The following FILIP1L variants were observed in gnomAD, a reference collection of about 807,000 sequenced individuals.
FILIP1L encodes the protein filamin A-interacting protein 1-like.
FILIP1L carries 55 observed loss-of-function variants against 96.6 expected under a neutral mutation model. That is an observed-to-expected ratio of 0.57 (90% CI 0.46 to 0.71). FILIP1L has a LOEUF of 0.71. Ranked by LOEUF, FILIP1L falls within the 30% of genes least tolerant of loss-of-function variation. FILIP1L has a pLI of 0.00. For synonymous variants in FILIP1L, 467 were observed against 473.9 expected, an observed-to-expected ratio of 0.99 and a Z score of 0.19; for missense variants, 1,304 against 1,321.2, an observed-to-expected ratio of 0.99 and a Z score of 0.20.
At chr3:99,940,088 A>G (rs1187818312) in intron 1 of FILIP1L, among the ~76,000 whole-genome samples, 1 of 152,220 alleles carries the variant, frequency 6.6e-6, no homozygotes, top group Non-Finnish European at 1.5e-5. Context: ...AAAGGACAAA[A>G]AGAAATATAA....
At chr3:99,830,675 C>A in intron 5 of FILIP1L, 70 bp from the exon 6 acceptor site, 1 of 436,664 alleles carries the variant, frequency 2.3e-6, no homozygotes, top group South Asian at 1.6e-5. Context: ...TTGTTTAGGA[C>A]ATGGAGTCAG....
intron 1 of FILIP1L, among the ~76,000 whole-genome samples, chr3:100,108,540 T>G (rs569380414): frequency 8.5e-5 from 13 of 152,274 alleles, no homozygotes; most frequent in African/African-American, 2.6e-4. Flanking sequence ...ATTAAATGCA[T>G]TGTGGTACAT....
chr3:100,050,103 T>C (rs1050110172), intron 1 of FILIP1L, among the ~76,000 whole-genome samples: 1 of 152,244 alleles, frequency 6.6e-6, no homozygotes, highest in Non-Finnish European at 1.5e-5. Context: ...ACCTGTGGAA[T>C]GAATCTATTA....
intron 1 of FILIP1L, among the ~76,000 whole-genome samples, chr3:100,056,680 CAGGT>C (rs1429085401): frequency 2.0e-5 from 3 of 151,460 alleles, no homozygotes; most frequent in Non-Finnish European, 4.4e-5. Flanking sequence ...GCCACACAAC[CAGGT>C]AGCAGCTCTA....
In FILIP1L at chr3:99,850,018, A is replaced by C. The variant is rs780992749; in HGVS notation, c.1658T>G (p.Val553Gly). 1.9e-6 allele frequency: 3 copies of C among 1,607,394 alleles called. No homozygotes were observed. In the South Asian group the frequency reaches 3.4e-5, roughly 18 times the overall value. Residue 553 changes from valine (V) to glycine (G), a missense_variant, in exon 5 of 6, where the codon GTA (valine) becomes GGA (glycine). Val to Gly is a moderately radical substitution (Grantham distance 109). Transcript: ENST00000477258. ...GGTTACGCTGTACATCTTTTCTTCT[A>C]CATCGGTTTTGGACTTGAGCGCCCT... ...TKRALKSKTDVEEKMYSVTKE... is the reference protein window; with the variant it reads ...TKRALKSKTDGEEKMYSVTKE...
intron 1 of FILIP1L, among the ~76,000 whole-genome samples, chr3:100,019,770 A>C (rs1303767698): frequency 6.6e-6 from 1 of 152,214 alleles, no homozygotes; most frequent in Non-Finnish European, 1.5e-5. Flanking sequence ...TCAAACTATT[A>C]CAGCAAAATT....
intron 1 of FILIP1L, among the ~76,000 whole-genome samples, chr3:99,979,498 C>T (rs144772408): frequency 0.013 from 1,902 of 152,158 alleles, 30 homozygotes; most frequent in African/African-American, 0.043. Flanking sequence ...TCAGGTTGTT[C>T]ATAGGTAGAA....
intron 1 of FILIP1L, among the ~76,000 whole-genome samples, chr3:100,000,592 G>A (rs1459935774): frequency 6.6e-6 from 1 of 152,208 alleles, no homozygotes; most frequent in Non-Finnish European, 1.5e-5. Flanking sequence ...GCTTATGGCT[G>A]TAATTCCAGC....
At chr3:99,960,909 CAA>C (rs968442142) in intron 1 of FILIP1L, among the ~76,000 whole-genome samples, 9 of 152,102 alleles carry the variant, frequency 5.9e-5, no homozygotes, top group African/African-American at 2.2e-4. Flanking sequence ...GGCAGACCAA[CAA>C]AGTGAAATGT....
chr3:99,859,247 A>AAT (rs1944120731), intron 4 of FILIP1L, among the ~76,000 whole-genome samples: 1 of 152,228 alleles, frequency 6.6e-6, no homozygotes, highest in African/African-American at 2.4e-5. Flanking sequence ...ACTATGTGCA[A>AAT]GGCACTGTAC....
In FILIP1L at chr3:99,884,628, G is replaced by A. The variant is rs185079150; in HGVS notation, c.606-33558C>T. Reference sequence around the variant, plus strand: ...ACCAGCACAATACCCTGCACAAAGTGAGCATTCTGCAAACCTAAAGAACGA... The same window carrying A: ...ACCAGCACAATACCCTGCACAAAGTAAGCATTCTGCAAACCTAAAGAACGA... On this transcript the variant is annotated intron_variant, in intron 4 of 5. Transcript: ENST00000477258. Among the ~76,000 whole-genome samples the A allele has an allele frequency of 2.1e-3, 315 of 152,306 alleles. 1 individual carries two copies. The highest frequency in any genetic ancestry group is 7.1e-3 in the African/African-American group (295 of 41,574).
intron 1 of FILIP1L, among the ~76,000 whole-genome samples, chr3:100,024,676 G>A (rs1002052555): frequency 6.6e-6 from 1 of 152,194 alleles, no homozygotes; most frequent in Non-Finnish European, 1.5e-5. Context: ...ATATACTAGT[G>A]AGTGACCTTC....
At chr3:100,091,604 T>C (rs2066111323) in intron 1 of FILIP1L, among the ~76,000 whole-genome samples, 1 of 152,252 alleles carries the variant, frequency 6.6e-6, no homozygotes, top group Non-Finnish European at 1.5e-5. Flanking sequence ...CTGACTTACA[T>C]TACAAAAGTA....
chr3:99,834,526 C>G (rs1942816765), intron 5 of FILIP1L, among the ~76,000 whole-genome samples: 1 of 152,184 alleles, frequency 6.6e-6, no homozygotes, highest in Non-Finnish European at 1.5e-5. Context: ...CACTTTGTGT[C>G]AGACCAAGCA....
chr3:99,850,874 T>A lies in FILIP1L; in HGVS notation c.802A>T (p.Lys268Ter). The A allele has an allele frequency of 6.2e-7, 1 of 1,614,214 alleles. No homozygotes were observed. The highest frequency in any genetic ancestry group is 8.5e-7 in the Non-Finnish European group (1 of 1,180,030). The change falls in exon 5 of 6, where the codon AAG becomes TAG. Residue 268 changes from lysine to a stop codon, truncating the protein, a stop_gained. Coordinates refer to ENST00000477258, the MANE Select transcript of FILIP1L (RefSeq NM_001387850.1). LOFTEE classifies it high-confidence loss of function. ...AGGGCTAGTTTGGTATGTGTTTCCT[T>A]TGCATTTGTGGTCAGCTCTTGGATT... ...QKIQELTTNA[K>*]ETHTKLALAE... is the part of the protein sequence containing the mutation.
At chr3:100,091,385 T>C (rs1471235931) in intron 1 of FILIP1L, among the ~76,000 whole-genome samples, 1 of 152,220 alleles carries the variant, frequency 6.6e-6, no homozygotes, top group East Asian at 1.9e-4. Flanking sequence ...ACAAAATGTT[T>C]TAATAAATGA....
intron 1 of FILIP1L, among the ~76,000 whole-genome samples, chr3:100,013,033 A>AT (rs1044922677): frequency 6.6e-6 from 1 of 151,600 alleles, no homozygotes; most frequent in Non-Finnish European, 1.5e-5. Flanking sequence ...CACCCAGCCA[A>AT]TTTTTTTGTT....
At chr3:100,056,561 T>C (rs1285221924) in intron 1 of FILIP1L, among the ~76,000 whole-genome samples, 1 of 152,196 alleles carries the variant, frequency 6.6e-6, no homozygotes, top group Non-Finnish European at 1.5e-5. Context: ...TGCTAGCCCT[T>C]ACTGGCTTTA....
chr3:99,994,707 C>G (rs1171879594), intron 1 of FILIP1L, among the ~76,000 whole-genome samples: 1 of 152,084 alleles, frequency 6.6e-6, no homozygotes, highest in Non-Finnish European at 1.5e-5. Context: ...GAGTGCACTC[C>G]CACGTGGCTG....
Sources: gnomAD v4.1 joint callset for allele counts (sites outside exome capture counted in the v4.1 genomes callset) on GRCh38, gnomAD v4.1.1 for gene constraint, MANE v1.5 for transcripts, NCBI Gene and HGNC (gene_info 2026-07-23, HGNC 2026-07-21) for gene names.